NOTCH3: variants seen among roughly 807,000 people sequenced by gnomAD.
NOTCH3 encodes the protein neurogenic locus notch homolog protein 3.
In NOTCH3, 86 loss-of-function variants were observed where a neutral mutation model predicts 213.3. The ratio of observed to expected loss-of-function variants is 0.40; its 90% CI spans 0.34 to 0.48. The LOEUF (loss-of-function observed/expected upper bound fraction) is 0.48. Ranked by LOEUF, NOTCH3 falls within the 20% of genes least tolerant of loss-of-function variation. The pLI, the probability that NOTCH3 is intolerant of heterozygous loss-of-function variation, is 0.57. For synonymous variants in NOTCH3, 1,354 were observed against 1,355.9 expected (o/e 1.00, Z 0.03); for missense variants, 2,783 against 3,272.6 (o/e 0.85, Z 3.65).
chr19:15,185,672 A>G lies in NOTCH3; in HGVS notation c.1959T>C (p.Leu653=), dbSNP rs2046876096. The change falls in exon 13 of 33, where the codon CTT becomes CTC. Residue 653 remains leucine, a synonymous_variant. Coordinates refer to ENST00000263388, the MANE Select transcript of NOTCH3 (RefSeq NM_000435.3). This position sits in a 1 kb window ranked among gnomAD's most constrained non-coding sequence, Gnocchi z 4.2. ...CVCQPGFTGP[L]CNVEINECAS... ...CACACTCATTGATCTCCACGTTACA[A>G]AGGGGCCCTGGGGAGTACACAAGCA... The G allele has an allele frequency of 6.2e-7, 1 of 1,613,070 alleles. No individual in the cohort carries two copies. The highest frequency in any genetic ancestry group is 8.5e-7 in the Non-Finnish European group (1 of 1,179,974).
At position 15,184,946 on chromosome 19, in the gene NOTCH3, A is replaced by C. The variant is rs2046868731; in HGVS notation, c.2370T>G (p.Pro790=). ...CEHGGRCESA[P]GQLPVCSCPQ... ...GGCAGGAGCAGACAGGCAGCTGGCC[A>C]GGGGCAGACTCGCAGCGGCCCCCAT... The change falls in exon 15 of 33, where the codon CCT becomes CCG. Residue 790 remains proline (P), a synonymous_variant. Transcript: ENST00000263388. 1 of 1,549,786 alleles carries C rather than the reference A, an allele frequency of 6.5e-7. No homozygotes were observed. Among genetic ancestry groups the C allele is most frequent in the Non-Finnish European group, 8.7e-7 (1 of 1,146,252 alleles).
rs759323108 is a variant in NOTCH3 at position 15,191,945 on chromosome 19, G to A, written c.679+15C>T. On this transcript the variant is annotated intron_variant, in intron 4 of 32. Transcript: ENST00000263388. ...ACGCCCACCCCTCTGACTCTCCTGA[G>A]TAGGGCTCACTCACCAGGAAGACAG... is the stretch of plus-strand genomic sequence containing the variant. 3 of 1,613,608 alleles carry A rather than the reference G, an allele frequency of 1.9e-6. No homozygotes were observed. Among genetic ancestry groups the A allele is most frequent in the South Asian group, 2.2e-5 (2 of 91,092 alleles).
chr19:15,192,515 G>T lies in NOTCH3; in HGVS notation c.202C>A (p.Pro68Thr). ...LPSREAACLC[P>T]PGWVGERCQL... Reference sequence around the variant, plus strand: ...CACCGCTCACCCACCCAGCCAGGCGGGCACCTGTGGGCAGAGATGGCTTGG... The same window carrying T: ...CACCGCTCACCCACCCAGCCAGGCGTGCACCTGTGGGCAGAGATGGCTTGG... Residue 68 changes from proline (P) to threonine (T), a missense_variant, in exon 3 of 33, where the codon CCG becomes ACG. Physicochemically the swap from Pro to Thr is conservative, Grantham distance 38. Around this residue, in one of 6 missense-constraint regions of NOTCH3, gnomAD observed 708 missense variants for 906.6 expected, o/e 0.78. Transcript: ENST00000263388. 6.3e-7 allele frequency: 1 copy of T among 1,581,154 alleles called. No homozygotes were observed. Among genetic ancestry groups the T allele is most frequent in the East Asian group, 2.3e-5 (1 of 43,126 alleles).
Position 15,170,818 on chromosome 19 carries a change from C to A in NOTCH3, c.4744G>T (p.Val1582Leu). 1 of 1,613,390 alleles carries A rather than the reference C, an allele frequency of 6.2e-7. No homozygotes were observed. Among genetic ancestry groups the A allele is most frequent in the Non-Finnish European group, 8.5e-7 (1 of 1,179,960 alleles). Reference sequence around the variant, plus strand: ...AGCCGGTTGTCAATCTCCAGCATTACTACCGAGCTGCAGGGACAGCAGGGA... The same window carrying A: ...AGCCGGTTGTCAATCTCCAGCATTAATACCGAGCTGCAGGGACAGCAGGGA... ...ELAPEVIGSV[V>L]MLEIDNRLCL... The change falls in exon 26 of 33, where the codon GTA (valine) becomes TTA (leucine). Residue 1582 changes from valine to leucine, a missense_variant. Physicochemically the swap from Val to Leu is conservative, Grantham distance 32 (BLOSUM62 1). Coordinates refer to ENST00000263388, the MANE Select transcript of NOTCH3 (RefSeq NM_000435.3).
rs1263780227 is a variant in NOTCH3, at chr19:15,188,286, C to A, written c.1441G>T (p.Gly481Cys). The change falls in exon 9 of 33, where the codon GGT becomes TGT. Residue 481 changes from glycine (G) to cysteine (C), a missense_variant. Physicochemically the swap from Gly to Cys is radical, Grantham distance 159 (BLOSUM62 -3). Coordinates refer to ENST00000263388, the MANE Select transcript of NOTCH3 (RefSeq NM_000435.3). ...TTGACTCGGTCCTTGCAGACCCCACCGTTGACACAGGGGCTACTCTGACAC... is the reference window on the plus strand; with the variant it reads ...TTGACTCGGTCCTTGCAGACCCCACAGTTGACACAGGGGCTACTCTGACAC... ...DECQSSPCVN[G>C]GVCKDRVNGF... 1.2e-6 allele frequency: 2 copies of A among 1,607,646 alleles called. No individual in the cohort carries two copies. The highest frequency in any genetic ancestry group is 1.7e-6 in the Non-Finnish European group (2 of 1,176,974).
rs538716509 is a variant in NOTCH3, at chr19:15,163,775, G to A, written c.5816-1213C>T. Among the ~76,000 whole-genome samples the A allele has an allele frequency of 2.4e-4, 37 of 152,222 alleles. No homozygotes were observed. In the South Asian group the frequency reaches 6.8e-3, roughly 28 times the overall value. ...GAGCCTGGGAGTTTGAGGCTGCAGA[G>A]AGCCGTAATCATGCCACTGCACTCC... On this transcript the variant is annotated intron_variant, in intron 31 of 32. Coordinates refer to ENST00000263388, the MANE Select transcript of NOTCH3 (RefSeq NM_000435.3).
rs1250457783 is a variant in NOTCH3 at position 15,165,905 on chromosome 19, G to T, written c.5549C>A (p.Ala1850Asp). 6.2e-7 allele frequency: 1 copy of T among 1,614,098 alleles called. No individual in the cohort carries two copies. The highest frequency in any genetic ancestry group is 8.5e-7 in the Non-Finnish European group (1 of 1,180,022). Reference protein sequence around the residue: ...ETALHLAARYARADAAKRLLD... With the variant: ...ETALHLAARYDRADAAKRLLD... ...CAGCCGCTTGGCTGCATCAGCACGG[G>T]CATAACGGGCAGCCAGGTGCAAAGC... Residue 1850 changes from alanine to aspartate, a missense_variant, in exon 30 of 33, where the codon GCC (alanine) becomes GAC (aspartate). Around this residue, in one of 6 missense-constraint regions of NOTCH3, gnomAD observed 636 missense variants for 801.8 expected, o/e 0.79. Coordinates refer to ENST00000263388, the MANE Select transcript of NOTCH3 (RefSeq NM_000435.3). The surrounding 1 kb of genome is among the most constrained non-coding windows in gnomAD (Gnocchi z 4.7).
intron 24 of NOTCH3, among the ~76,000 whole-genome samples, chr19:15,175,555 AC>A (rs1427502604): frequency 0.013 from 530 of 40,204 alleles, 7 homozygotes; most frequent in African/African-American, 0.046. Flanking sequence ...AAAAAAAAAT[AC>A]ATATATATAT....
At chr19:15,168,767 G>A (rs1453252382) in intron 28 of NOTCH3, among the ~76,000 whole-genome samples, 1 of 152,224 alleles carries the variant, frequency 6.6e-6, no homozygotes, top group East Asian at 1.9e-4. Flanking sequence ...CTGGGAGGTG[G>A]AGGCTGCAAT....
intron 29 of NOTCH3, among the ~76,000 whole-genome samples, chr19:15,166,514 G>GA (rs1568347892): frequency 2.3e-5 from 2 of 86,300 alleles, no homozygotes; most frequent in African/African-American, 6.7e-5. Flanking sequence ...AAAGGGGGGG[G>GA]GAAAAAAAGA....
At position 15,187,910 on chromosome 19, in the gene NOTCH3, G is replaced by T; in HGVS notation, c.1577C>A (p.Pro526His). Residue 526 changes from proline (P) to histidine (H), a missense_variant, in exon 10 of 33, where the codon CCC (proline) becomes CAC (histidine). Coordinates refer to ENST00000263388, the MANE Select transcript of NOTCH3 (RefSeq NM_000435.3). ...GGCACAGCGGCACTCGTAGCCATCG[G>T]GCTGGTCCACGCATTTGGCGCCATT... ...CRNGAKCVDQ[P>H]DGYECRCAEG... The T allele has an allele frequency of 3.9e-6, 6 of 1,549,750 alleles. No individual in the cohort carries two copies. Among genetic ancestry groups the T allele is most frequent in the South Asian group, 3.6e-5 (3 of 83,984 alleles).
rs181150285 is a variant in NOTCH3 at position 15,167,349 on chromosome 19, A to G, written c.5262T>C (p.His1754=). The change falls in exon 29 of 33, where the codon CAT becomes CAC. Residue 1754 remains histidine, a synonymous_variant. Transcript: ENST00000263388. ...AVDCRQWTQH[H]LVAADIRVAP... is the part of the protein sequence containing the mutation. ...CCACGCGGATGTCAGCAGCAACCAGATGGTGTTGAGTCCACTGACGGCAAT... is the reference window on the plus strand; with the variant it reads ...CCACGCGGATGTCAGCAGCAACCAGGTGGTGTTGAGTCCACTGACGGCAAT... 2 of 1,612,510 alleles carry G rather than the reference A, an allele frequency of 1.2e-6. No homozygotes were observed. The highest frequency in any genetic ancestry group is 2.2e-5 in the East Asian group (1 of 44,886).
chr19:15,193,778 AAC>A lies in NOTCH3; in HGVS notation c.198-1261_198-1260del, dbSNP rs1407374277. ...AGAGGGAGACTCCATCTCAAAAAAA[AAC>A]AAAAAACAAAAAAAACAAACAGGCC... On this transcript the variant is annotated intron_variant, in intron 2 of 32. Coordinates refer to ENST00000263388, the MANE Select transcript of NOTCH3 (RefSeq NM_000435.3). Among the ~76,000 whole-genome samples the A allele has an allele frequency of 4.2e-3, 186 of 44,464 alleles. 15 individuals are homozygous for A. The highest frequency in any genetic ancestry group is 9.5e-3 in the African/African-American group (175 of 18,376). 29.2% of individuals were successfully genotyped at this position (44,464 alleles called of 152,430 possible).
rs1325931997 is a variant in NOTCH3 at position 15,174,290 on chromosome 19, G to A, written c.4514C>T (p.Pro1505Leu). ...CAGCACGCCGCGGGCCAGCAGGGCC[G>A]GCACCTCGCTGGCACAATCCAGCCC... ...WDGLDCASEV[P>L]ALLARGVLVL... Residue 1505 changes from proline to leucine, a missense_variant, in exon 25 of 33, where the codon CCG becomes CTG. Physicochemically the swap from Pro to Leu is moderately conservative, Grantham distance 98 (BLOSUM62 -3). Transcript: ENST00000263388. 1 of 1,559,204 alleles carries A rather than the reference G, an allele frequency of 6.4e-7. No homozygotes were observed. Among genetic ancestry groups the A allele is most frequent in the Non-Finnish European group, 8.7e-7 (1 of 1,153,822 alleles).
Position 15,165,618 on chromosome 19 carries a change from C to G in NOTCH3, c.5668-103G>C. 1 of 1,362,980 alleles carries G rather than the reference C, an allele frequency of 7.3e-7. No individual in the cohort carries two copies. Among genetic ancestry groups the G allele is most frequent in the Non-Finnish European group, 1.0e-6 (1 of 993,966 alleles). The allele number at this position is 1,362,980 out of a possible 1,614,324, so 84.4% of individuals were successfully genotyped here. On this transcript the variant is annotated intron_variant, in intron 30 of 32. Coordinates refer to ENST00000263388, the MANE Select transcript of NOTCH3 (RefSeq NM_000435.3). This position sits in a 1 kb window ranked among gnomAD's most constrained non-coding sequence, Gnocchi z 4.7. ...GTCCCCAACCCCCATACCCCAACCC[C>G]TGAAATTGGTGAGGTTCAGGGAGCA...
Position 15,186,733 on chromosome 19 carries a change from C to T in NOTCH3, c.1951+145G>A, listed in dbSNP as rs117185831. On this transcript the variant is annotated intron_variant, in intron 12 of 32. Transcript: ENST00000263388. ...AGAATAATCTCGAAACAACCTTATG[C>T]CAATGAGACAGCACAGACTCAGGGC... is the stretch of plus-strand genomic sequence containing the variant. 3,880 of 742,498 alleles carry T rather than the reference C, an allele frequency of 5.2e-3. 24 individuals carry two copies. The highest frequency in any genetic ancestry group is 0.015 in the Middle Eastern group (42 of 2,814). The allele number at this position is 742,498 out of a possible 1,614,324, so 46.0% of individuals were successfully genotyped here.
chr19:15,178,150 G>A, intron 23 of NOTCH3, 60 bp from the exon 24 acceptor site: 1 of 1,091,488 alleles, frequency 9.2e-7, no homozygotes, highest in African/African-American at 1.6e-5. Context: ...GAGGGAAGGA[G>A]GAGAAGAAAT....
Position 15,181,789 on chromosome 19 carries a change from T to C in NOTCH3, c.2579A>G (p.Asn860Ser). ...CACGCCGTCTTGGCACGAGCCACCG[T>C]TCAGGCATGGGTCTGCGGACAGGAG... Reference protein sequence around the residue: ...INDCDPNPCLNGGSCQDGVGS... With the variant: ...INDCDPNPCLSGGSCQDGVGS... Residue 860 changes from asparagine to serine, a missense_variant, in exon 17 of 33, where the codon AAC becomes AGC. Asn to Ser is a conservative substitution (Grantham distance 46, BLOSUM62 1). Around this residue, in one of 6 missense-constraint regions of NOTCH3, gnomAD observed 861 missense variants for 909.1 expected, o/e 0.95. Coordinates refer to ENST00000263388, the MANE Select transcript of NOTCH3 (RefSeq NM_000435.3). 1 of 1,559,420 alleles carries C rather than the reference T, an allele frequency of 6.4e-7. No homozygotes were observed. The highest frequency in any genetic ancestry group is 8.7e-7 in the Non-Finnish European group (1 of 1,151,498).
Position 15,187,869 on chromosome 19 carries a change from G to A in NOTCH3, c.1606+12C>T, listed in dbSNP as rs2046896340. 1 of 1,543,986 alleles carries A rather than the reference G, an allele frequency of 6.5e-7. No homozygotes were observed. Among genetic ancestry groups the A allele is most frequent in the African/African-American group, 1.4e-5 (1 of 72,950 alleles). Reference sequence around the variant, plus strand: ...TCCTGATTCTTGTCGGACTGTCATTGGCCCGCCTCACCCTCGGCACAGCGG... The same window carrying A: ...TCCTGATTCTTGTCGGACTGTCATTAGCCCGCCTCACCCTCGGCACAGCGG... On this transcript the variant is annotated intron_variant, in intron 10 of 32. Coordinates refer to ENST00000263388, the MANE Select transcript of NOTCH3 (RefSeq NM_000435.3).
Sources: gnomAD v4.1 joint callset for allele counts (sites outside exome capture counted in the v4.1 genomes callset) on GRCh38, gnomAD v4.1.1 for gene constraint, gnomAD v4.1.1 regional missense constraint, Gnocchi (gnomAD v3.1) non-coding constraint, MANE v1.5 for transcripts, NCBI Gene and HGNC (gene_info 2026-07-23, HGNC 2026-07-21) for gene names.